Variants in DMD observed in about 807,000 individuals in gnomAD.
DMD encodes the protein dystrophin, also known as mutant dystrophin.
A neutral mutation model predicts 330.1 loss-of-function variants in DMD; 63 were observed. The ratio of observed to expected loss-of-function variants is 0.19; its 90% CI spans 0.16 to 0.24. DMD has a LOEUF of 0.24. DMD is among the 10% of genes least tolerant of loss of function. The probability of loss-of-function intolerance (pLI) is 1.00; values close to 1 mark genes in which losing one functional copy is unlikely to be tolerated. For missense variants in DMD, 3,344 were observed against 2,684.1 expected (o/e 1.25, Z -5.43); for synonymous variants, 1,223 against 959.8 (o/e 1.27, Z -5.07).
chrX:33,199,563 A>T (rs188073225), intron 1 of DMD, among the ~76,000 whole-genome samples: 1 of 111,587 alleles, frequency 9.0e-6, no homozygotes, highest in Non-Finnish European at 1.9e-5. Flanking sequence ...TTGAAATCAC[A>T]GTTCTGGAAT....
chrX:32,831,411 T>C (rs141928402), intron 4 of DMD, among the ~76,000 whole-genome samples: 1,759 of 111,039 alleles, frequency 0.016, 41 homozygotes, highest in African/African-American at 0.055. Context: ...TGAAAGATTA[T>C]TGACAGGAAC....
chrX:33,306,990 T>C (rs753293039), intron 1 of DMD, among the ~76,000 whole-genome samples: 2 of 111,843 alleles, frequency 1.8e-5, no homozygotes, highest in Admixed American at 9.5e-5. Flanking sequence ...TTGAGGAGTA[T>C]TGGACAAAAT....
At chrX:32,053,758 T>G (rs2096136677) in intron 44 of DMD, among the ~76,000 whole-genome samples, 1 of 111,636 alleles carries the variant, frequency 9.0e-6, no homozygotes, top group Non-Finnish European at 1.9e-5. Context: ...ATTGCATCTT[T>G]GTTGGCACAC....
chrX:31,978,851 T>G (rs945928266), intron 44 of DMD, among the ~76,000 whole-genome samples: 1 of 111,758 alleles, frequency 8.9e-6, no homozygotes, highest in African/African-American at 3.3e-5. Context: ...AGTAACGTGT[T>G]GCTACCTGGC....
intron 44 of DMD, among the ~76,000 whole-genome samples, chrX:32,128,266 C>A (rs895031483): frequency 8.9e-6 from 1 of 111,895 alleles, no homozygotes; most frequent in African/African-American, 3.2e-5. Flanking sequence ...TTTACAAAAT[C>A]AGTGGAAGAC....
intron 47 of DMD, among the ~76,000 whole-genome samples, chrX:31,886,207 C>A (rs949289359): frequency 2.5e-4 from 28 of 110,863 alleles, no homozygotes; most frequent in Admixed American, 3.8e-4. Context: ...ATTTTAAAAT[C>A]CTATCTCACA....
intron 50 of DMD, among the ~76,000 whole-genome samples, chrX:31,790,869 C>T (rs1175313008): frequency 1.8e-5 from 2 of 111,211 alleles, no homozygotes; most frequent in South Asian, 3.7e-4. Flanking sequence ...ATCTAGCATG[C>T]GTAGATTGAG....
At chrX:32,980,562 T>C (rs1357933593) in intron 2 of DMD, among the ~76,000 whole-genome samples, 4 of 110,085 alleles carry the variant, frequency 3.6e-5, no homozygotes. Flanking sequence ...GCCTAGTCTC[T>C]ACCACCAGTT....
At chrX:31,244,324 T>C (rs925281584) in intron 63 of DMD, among the ~76,000 whole-genome samples, 3 of 112,163 alleles carry the variant, frequency 2.7e-5, no homozygotes, top group African/African-American at 9.7e-5. Flanking sequence ...TTCATAGCTA[T>C]ATTTTTCATA....
intron 17 of DMD, among the ~76,000 whole-genome samples, chrX:32,522,032 G>T (rs1407458713): frequency 3.6e-5 from 4 of 111,790 alleles, no homozygotes; most frequent in Non-Finnish European, 7.5e-5. Context: ...CTAGTTACTT[G>T]ATATTAAACT....
chrX:32,469,768 A>T (rs1020903907), intron 22 of DMD, among the ~76,000 whole-genome samples: 1 of 110,909 alleles, frequency 9.0e-6, no homozygotes, highest in Non-Finnish European at 1.9e-5. Context: ...AACAATTTCC[A>T]TTATTAGTTC....
intron 63 of DMD, among the ~76,000 whole-genome samples, chrX:31,236,124 T>G (rs1023559626): frequency 1.8e-5 from 2 of 112,274 alleles, no homozygotes; most frequent in African/African-American, 3.2e-5. Context: ...TCTTCCTGCC[T>G]GAGAAGCAGC....
At chrX:32,904,627 T>G (rs2086576841) in intron 2 of DMD, among the ~76,000 whole-genome samples, 1 of 112,033 alleles carries the variant, frequency 8.9e-6, no homozygotes, top group African/African-American at 3.2e-5. Flanking sequence ...CAGGCTGGAG[T>G]GCAATGGCGG....
At chrX:32,778,446 CAG>C (rs902653776) in intron 7 of DMD, among the ~76,000 whole-genome samples, 4 of 111,124 alleles carry the variant, frequency 3.6e-5, no homozygotes, top group African/African-American at 1.3e-4. Flanking sequence ...AAAAAAACTA[CAG>C]AGAGTGCAGT....
chrX:33,335,262 C>A (rs1192023514), intron 1 of DMD, among the ~76,000 whole-genome samples: 2 of 108,064 alleles, frequency 1.9e-5, no homozygotes, highest in Non-Finnish European at 1.9e-5. Flanking sequence ...ATATACCATA[C>A]CTATCATATA....
chrX:32,696,577 G>A (rs996589252), intron 9 of DMD, among the ~76,000 whole-genome samples: 3 of 111,895 alleles, frequency 2.7e-5, no homozygotes, highest in African/African-American at 6.5e-5. Flanking sequence ...TCATTAAGGA[G>A]TCATACCTGA....
intron 62 of DMD, among the ~76,000 whole-genome samples, chrX:31,281,774 T>C (rs2052627594): frequency 9.0e-6 from 1 of 111,404 alleles, no homozygotes. Context: ...AAAAACAATA[T>C]GAGTTAAGAT....
chrX:32,489,754 G>A (rs1263329899), intron 20 of DMD, among the ~76,000 whole-genome samples: 1 of 111,624 alleles, frequency 9.0e-6, no homozygotes, highest in Non-Finnish European at 1.9e-5. Context: ...TACTATATCT[G>A]AATCTCAAGA....
At chrX:32,796,638 A>C (rs377268516) in intron 7 of DMD, among the ~76,000 whole-genome samples, 2 of 112,154 alleles carry the variant, frequency 1.8e-5, no homozygotes, top group Non-Finnish European at 3.8e-5. Context: ...ATAAATACTC[A>C]AAGTAATGAA....
Sources: allele counts gnomAD v4.1 joint callset (sites outside exome capture counted in the v4.1 genomes callset), GRCh38; gene constraint gnomAD v4.1.1; transcripts MANE v1.5; gene names NCBI Gene and HGNC (gene_info 2026-07-23, HGNC 2026-07-21).